PITPNC1: variants seen among roughly 807,000 people sequenced by gnomAD.
PITPNC1 encodes the protein cytoplasmic phosphatidylinositol transfer protein 1.
A neutral mutation model predicts 44.7 loss-of-function variants in PITPNC1; 18 were observed. The ratio of observed to expected loss-of-function variants is 0.40; its 90% CI spans 0.28 to 0.60. The LOEUF (loss-of-function observed/expected upper bound fraction) is 0.60, where lower values mean the gene tolerates loss of function less well. PITPNC1 is among the 20% of genes least tolerant of loss of function. PITPNC1 has a pLI of 0.39. For synonymous variants in PITPNC1, 141 were observed against 149.6 expected, an observed-to-expected ratio of 0.94 and a Z score of 0.42; for missense variants, 290 against 418.4, an observed-to-expected ratio of 0.69 and a Z score of 2.68.
chr17:67,538,198 G>C (rs1355338437), intron 2 of PITPNC1, among the ~76,000 whole-genome samples: 1 of 152,066 alleles, frequency 6.6e-6, no homozygotes, highest in Non-Finnish European at 1.5e-5. Flanking sequence ...AATAGAGCTG[G>C]CATAAGAAAT....
At chr17:67,459,243 G>A (rs375320292) in intron 1 of PITPNC1, among the ~76,000 whole-genome samples, 14 of 149,930 alleles carry the variant, frequency 9.3e-5, no homozygotes, top group East Asian at 7.9e-4. Flanking sequence ...TCAGCCTCCC[G>A]AGTAGCTGGG....
chr17:67,425,160 CCCAGGTGAAATAA>C (rs778881449), intron 1 of PITPNC1, among the ~76,000 whole-genome samples: 6 of 148,594 alleles, frequency 4.0e-5, no homozygotes, highest in Non-Finnish European at 8.9e-5. Flanking sequence ...CCCGCCTGCA[CCCAGGTGAAATAA>C]ACAGCCATGT....
At chr17:67,438,356 G>A (rs1340730320) in intron 1 of PITPNC1, among the ~76,000 whole-genome samples, 1 of 141,332 alleles carries the variant, frequency 7.1e-6, no homozygotes, top group Non-Finnish European at 1.5e-5. Context: ...TCGCTCTATC[G>A]CCCAGGCTGG....
At chr17:67,448,049 G>A (rs1316314131) in intron 1 of PITPNC1, among the ~76,000 whole-genome samples, 2 of 151,886 alleles carry the variant, frequency 1.3e-5, no homozygotes, top group Non-Finnish European at 2.9e-5. Flanking sequence ...AGGTTCCAGC[G>A]ATTCTCCTGC....
At chr17:67,558,806 A>G (rs2040871543) in intron 4 of PITPNC1, among the ~76,000 whole-genome samples, 1 of 152,136 alleles carries the variant, frequency 6.6e-6, no homozygotes, top group Non-Finnish European at 1.5e-5. Flanking sequence ...TGGAAAAATA[A>G]AATTGCAACA....
At chr17:67,391,336 G>C (rs189965232) in intron 1 of PITPNC1, among the ~76,000 whole-genome samples, 4 of 151,588 alleles carry the variant, frequency 2.6e-5, no homozygotes, top group Non-Finnish European at 2.9e-5. Flanking sequence ...CTGTTCCCCC[G>C]CCCCATGTCA....
chr17:67,568,199 G>C (rs1195363409), intron 4 of PITPNC1, among the ~76,000 whole-genome samples: 2 of 152,196 alleles, frequency 1.3e-5, no homozygotes, highest in Non-Finnish European at 2.9e-5. Flanking sequence ...ATACATGCTA[G>C]AACATGGATG....
At chr17:67,609,204 TC>T (rs1441747095) in intron 5 of PITPNC1, among the ~76,000 whole-genome samples, 1 of 151,254 alleles carries the variant, frequency 6.6e-6, no homozygotes, top group Non-Finnish European at 1.5e-5. Context: ...GACTTTAGCC[TC>T]CCCTGGTTTC....
At chr17:67,425,180 ATGTTG>A (rs1336583421) in intron 1 of PITPNC1, among the ~76,000 whole-genome samples, 6 of 131,206 alleles carry the variant, frequency 4.6e-5, no homozygotes, top group East Asian at 3.0e-4. Flanking sequence ...ATAAACAGCC[ATGTTG>A]TGCGCGCGCA....
chr17:67,512,028 T>G (rs11079695), intron 1 of PITPNC1, among the ~76,000 whole-genome samples: 74,561 of 152,042 alleles, frequency 0.49, 19,517 homozygotes, highest in East Asian at 0.77. Flanking sequence ...ATTGCTGTTC[T>G]CTGCCTGCCA....
At chr17:67,407,151 T>C (rs991197799) in intron 1 of PITPNC1, among the ~76,000 whole-genome samples, 1 of 152,182 alleles carries the variant, frequency 6.6e-6, no homozygotes, top group African/African-American at 2.4e-5. Flanking sequence ...GGTTCCAATT[T>C]CTCTACATCC....
At chr17:67,622,458 A>G (rs1319448659) in intron 5 of PITPNC1, among the ~76,000 whole-genome samples, 1 of 149,862 alleles carries the variant, frequency 6.7e-6, no homozygotes, top group Admixed American at 6.7e-5. Flanking sequence ...AGCTGGGATA[A>G]TGTTCTCAGT....
At chr17:67,491,300 G>A (rs1277749933) in intron 1 of PITPNC1, among the ~76,000 whole-genome samples, 2 of 152,226 alleles carry the variant, frequency 1.3e-5, no homozygotes, top group Non-Finnish European at 2.9e-5. Context: ...CGTGCGTGAT[G>A]TAACCCAGAT....
chr17:67,650,866 A>G (rs756408562), intron 6 of PITPNC1, among the ~76,000 whole-genome samples: 8 of 152,166 alleles, frequency 5.3e-5, no homozygotes, highest in Non-Finnish European at 8.8e-5. Flanking sequence ...ATAACTGAGA[A>G]GGGTACAAAA....
At chr17:67,546,295 GTA>G (rs67276045) in intron 2 of PITPNC1, among the ~76,000 whole-genome samples, 9,198 of 149,492 alleles carry the variant, frequency 0.062, 647 homozygotes, top group African/African-American at 0.17. Context: ...GACTATATAT[GTA>G]TATATATATA....
At chr17:67,406,362 C>G (rs1230927784) in intron 1 of PITPNC1, among the ~76,000 whole-genome samples, 1 of 152,150 alleles carries the variant, frequency 6.6e-6, no homozygotes, top group Non-Finnish European at 1.5e-5. Context: ...TTGGCGGTCA[C>G]TCCCCATTTC....
At chr17:67,617,581 G>A (rs1379801952) in intron 5 of PITPNC1, among the ~76,000 whole-genome samples, 1 of 152,184 alleles carries the variant, frequency 6.6e-6, no homozygotes, top group Non-Finnish European at 1.5e-5. Context: ...CACAAATTGG[G>A]TGGTTTGAGA....
chr17:67,538,756 A>G (rs2040564302), intron 2 of PITPNC1, among the ~76,000 whole-genome samples: 1 of 152,102 alleles, frequency 6.6e-6, no homozygotes, highest in South Asian at 2.1e-4. Flanking sequence ...TAATATTACA[A>G]CACTAAAATG....
At chr17:67,390,458 A>G (rs553690994) in intron 1 of PITPNC1, among the ~76,000 whole-genome samples, 1 of 152,308 alleles carries the variant, frequency 6.6e-6, no homozygotes, top group Admixed American at 6.5e-5. Context: ...CTCCAGGTGC[A>G]TATCTCTGCT....
Sources: allele counts gnomAD v4.1 joint callset (sites outside exome capture counted in the v4.1 genomes callset), GRCh38; gene constraint gnomAD v4.1.1; transcripts MANE v1.5; gene names NCBI Gene and HGNC (gene_info 2026-07-23, HGNC 2026-07-21).